The following VCF2 variants were observed in gnomAD, a reference collection of about 807,000 sequenced individuals.
The protein encoded by VCF2 is VCP nuclear cofactor family member 2.
the VCF2 span, chrX:55,146,230 G>A: frequency 6.4e-5 from 78 of 1,209,422 alleles, no homozygotes; most frequent in Non-Finnish European, 1.0e-5. Context: ...GTAACAATCT[G>A]GTTTAAGTTG....
At chrX:55,144,038 A>T in the VCF2 span, among the ~76,000 whole-genome samples, 1 of 111,324 alleles carries the variant, frequency 9.0e-6, no homozygotes, top group African/African-American at 3.3e-5. Context: ...TAATTGCTTT[A>T]TTATTATTAT....
At chrX:55,153,521 A>AT in the VCF2 span, among the ~76,000 whole-genome samples, 1,159 of 100,801 alleles carry the variant, frequency 0.011, 20 homozygotes, top group East Asian at 0.07. Context: ...CGCCCAGCTA[A>AT]TTTTTTTTTT....
At chrX:55,158,625 A>T in the VCF2 span, among the ~76,000 whole-genome samples, 1 of 111,836 alleles carries the variant, frequency 8.9e-6, no homozygotes, top group Non-Finnish European at 1.9e-5. Context: ...CACATTATAT[A>T]CAGGTATCAA....
the VCF2 span, among the ~76,000 whole-genome samples, chrX:55,157,254 G>A: frequency 4.4e-5 from 5 of 112,408 alleles, no homozygotes; most frequent in East Asian, 8.4e-4. Context: ...CACCAAAGCC[G>A]GGGCGTGGTG....
At chrX:55,150,799 A>G in the VCF2 span, among the ~76,000 whole-genome samples, 1 of 111,583 alleles carries the variant, frequency 9.0e-6, no homozygotes, top group East Asian at 2.8e-4. Context: ...TGATACTAGA[A>G]TAGAGGAAAA....
At chrX:55,158,375 G>A in the VCF2 span, among the ~76,000 whole-genome samples, 1 of 112,023 alleles carries the variant, frequency 8.9e-6, no homozygotes, top group South Asian at 3.7e-4. Flanking sequence ...CCTTAGAATG[G>A]TGGTTACTAG....
At chrX:55,147,922 A>G in the VCF2 span, among the ~76,000 whole-genome samples, 1 of 111,213 alleles carries the variant, frequency 9.0e-6, no homozygotes, top group Non-Finnish European at 1.9e-5. Context: ...AGACATTTTT[A>G]TGCTATCAAT....
At chrX:55,150,310 G>A in the VCF2 span, among the ~76,000 whole-genome samples, 1 of 111,709 alleles carries the variant, frequency 9.0e-6, no homozygotes, top group Non-Finnish European at 1.9e-5. Context: ...GGGGAAGGAA[G>A]GGATGGTTTC....
At chrX:55,154,470 G>C in the VCF2 span, among the ~76,000 whole-genome samples, 1 of 112,160 alleles carries the variant, frequency 8.9e-6, no homozygotes, top group Non-Finnish European at 1.9e-5. Flanking sequence ...ATGAAGAATA[G>C]AGCCCTTGCA....
chrX:55,148,179 AAATT>A, the VCF2 span, among the ~76,000 whole-genome samples: 5 of 110,781 alleles, frequency 4.5e-5, no homozygotes, highest in Admixed American at 2.9e-4. Context: ...ACCATTTAAA[AAATT>A]AATTAGGTAA....
the VCF2 span, among the ~76,000 whole-genome samples, chrX:55,149,002 T>C: frequency 1.8e-5 from 2 of 111,821 alleles, no homozygotes; most frequent in Non-Finnish European, 3.8e-5. Context: ...TCTTCCAACA[T>C]AACATTCTGT....
the VCF2 span, chrX:55,160,636 G>T: frequency 6.5e-6 from 3 of 458,826 alleles, no homozygotes; most frequent in Non-Finnish European, 1.1e-5. Flanking sequence ...ATTCAGAGAC[G>T]TTTGTAATGA....
the VCF2 span, chrX:55,145,268 A>G: frequency 1.5e-6 from 1 of 683,019 alleles, no homozygotes; most frequent in Non-Finnish European, 1.7e-6. Context: ...AGATGGAATT[A>G]TGAGATCACA....
chrX:55,145,196 C>A, the VCF2 span: 1 of 473,454 alleles, frequency 2.1e-6, no homozygotes, highest in Non-Finnish European at 2.6e-6. Flanking sequence ...TTCCATAATT[C>A]TTGTTACTTT....
chrX:55,156,002 A>C, the VCF2 span, among the ~76,000 whole-genome samples: 23 of 97,816 alleles, frequency 2.4e-4, no homozygotes, highest in African/African-American at 8.9e-4. Flanking sequence ...AGAGTGCTAG[A>C]GTGCAGTGGC....
At chrX:55,146,297 A>G in the VCF2 span, 2 of 1,209,095 alleles carry the variant, frequency 1.7e-6, no homozygotes, top group South Asian at 1.8e-5. Context: ...TCCTTTCATT[A>G]TCACTCCATG....
At chrX:55,160,779 C>G in the VCF2 span, 1 of 1,110,993 alleles carries the variant, frequency 9.0e-7, no homozygotes, top group Admixed American at 2.6e-5. Context: ...ATTTGAAAAA[C>G]AGAATGCTAT....
chrX:55,160,898 C>T, the VCF2 span: 2 of 1,159,345 alleles, frequency 1.7e-6, no homozygotes, highest in South Asian at 1.9e-5. Context: ...TCGGAGAAGG[C>T]TTCGCGGGAT....
chrX:55,153,385 C>T, the VCF2 span, among the ~76,000 whole-genome samples: 3 of 100,581 alleles, frequency 3.0e-5, no homozygotes, highest in East Asian at 6.1e-4. Context: ...GACGGAGTCT[C>T]GCTCTGTCAC....
Sources: allele counts gnomAD v4.1 joint callset (sites outside exome capture counted in the v4.1 genomes callset), GRCh38; gene constraint gnomAD v4.1.1; transcripts MANE v1.5; gene names NCBI Gene and HGNC (gene_info 2026-07-23, HGNC 2026-07-21).